TPPP: variants seen among roughly 807,000 people sequenced by gnomAD.
TPPP encodes tubulin polymerization promoting protein, also known as tubulin polymerization-promoting protein.
Under a neutral mutation model 15.5 loss-of-function variants are expected in TPPP, and 6 were observed. That is an observed-to-expected ratio of 0.39 (90% CI 0.21 to 0.77). The LOEUF (loss-of-function observed/expected upper bound fraction) is 0.77, where lower values mean the gene tolerates loss of function less well. Among genes scored for constraint, TPPP ranks in the 30% least tolerant of loss-of-function variants. The pLI is 0.42. For synonymous variants in TPPP, 146 were observed against 133.9 expected, an observed-to-expected ratio of 1.09 and a Z score of -0.63; for missense variants, 269 against 307.2, an observed-to-expected ratio of 0.88 and a Z score of 0.93.
chr5:677,722 C>A, intron 2 of TPPP, 28 bp downstream of exon 2: 1 of 1,523,256 alleles, frequency 6.6e-7, no homozygotes, highest in South Asian at 1.3e-5. Flanking sequence ...AAGTCAGGTC[C>A]CTCGGCCCGT....
chr5:683,645 T>A (rs1180608232), intron 1 of TPPP, among the ~76,000 whole-genome samples: 1 of 152,230 alleles, frequency 6.6e-6, no homozygotes, highest in African/African-American at 2.4e-5. Context: ...CACCAACCCC[T>A]TCCTTCCATG....
chr5:692,392 C>T (rs1413371256), intron 1 of TPPP, among the ~76,000 whole-genome samples: 1 of 118,142 alleles, frequency 8.5e-6, no homozygotes, highest in Non-Finnish European at 1.8e-5. Flanking sequence ...AAAACAGCAG[C>T]CCCCCAAACC....
At chr5:696,947 T>C (rs1458307777), upstream of TPPP, among the ~76,000 whole-genome samples, 3 of 149,784 alleles carry the variant, frequency 2.0e-5, no homozygotes, top group East Asian at 5.8e-4. Flanking sequence ...TTTGCACCTG[T>C]ATGTCCACGT....
Position 666,078 on chromosome 5 carries a change from C to T in TPPP, c.357G>A (p.Ala119=), listed in dbSNP as rs777737792. The T allele has an allele frequency of 1.3e-5, 21 of 1,612,202 alleles. No individual in the cohort carries two copies. The highest frequency in any genetic ancestry group is 1.2e-4 in the Admixed American group (7 of 59,982). Reference sequence around the variant, plus strand: ...ATCGCTTCTTGGCGAGCTCCTCCAGCGCCTCCTGGAACTGCTCAAAGGTGA... The same window carrying T: ...ATCGCTTCTTGGCGAGCTCCTCCAGTGCCTCCTGGAACTGCTCAAAGGTGA... ...RTITFEQFQE[A]LEELAKKRFK... is the part of the protein sequence containing the mutation. Residue 119 remains alanine, a synonymous_variant, in exon 3 of 4, where the codon GCG becomes GCA. Coordinates refer to ENST00000360578, the MANE Select transcript of TPPP (RefSeq NM_007030.3).
At chr5:675,617 G>A (rs898819318) in intron 2 of TPPP, among the ~76,000 whole-genome samples, 23 of 151,866 alleles carry the variant, frequency 1.5e-4, no homozygotes, top group Admixed American at 1.4e-3. Flanking sequence ...GTGTGGCCGG[G>A]AGTGCAGTGC....
intron 2 of TPPP, among the ~76,000 whole-genome samples, chr5:676,959 GTGC>G (rs1740465395): frequency 6.8e-6 from 1 of 146,640 alleles, no homozygotes; most frequent in Non-Finnish European, 1.5e-5. Context: ...ACGCGCACAC[GTGC>G]ACACAGAAAC....
At chr5:699,592 T>G in the TPPP span, among the ~76,000 whole-genome samples, 1 of 151,680 alleles carries the variant, frequency 6.6e-6, no homozygotes, top group Non-Finnish European at 1.5e-5. Context: ...TCAAGAGCAA[T>G]TGCAACAAAA....
chr5:666,312 A>G (rs1233424827), intron 2 of TPPP, among the ~76,000 whole-genome samples, 189 bp from the exon 3 acceptor site: 1 of 152,174 alleles, frequency 6.6e-6, no homozygotes, highest in African/African-American at 2.4e-5. Context: ...CAGGTCCTCT[A>G]TAAAGCTGGA....
At chr5:693,429 G>A (rs185363561), upstream of TPPP, 26,330 of 116,192 alleles carry the variant, frequency 0.23, 2,494 homozygotes, top group African/African-American at 0.34. Flanking sequence ...GCCCGCCCCC[G>A]GCCCCCAGCG....
At chr5:669,317 G>A (rs959096753) in intron 2 of TPPP, among the ~76,000 whole-genome samples, 13 of 151,400 alleles carry the variant, frequency 8.6e-5, no homozygotes, top group African/African-American at 2.2e-4. Flanking sequence ...GCTCTGTGGC[G>A]TGGGGGTCCG....
At chr5:683,150 G>C (rs548926650) in intron 1 of TPPP, among the ~76,000 whole-genome samples, 37 of 152,234 alleles carry the variant, frequency 2.4e-4, no homozygotes, top group East Asian at 3.9e-4. Flanking sequence ...GAGCTCGCTC[G>C]CAGGCAAGTG....
intron 2 of TPPP, among the ~76,000 whole-genome samples, chr5:669,120 GA>G (rs1425803348): frequency 6.6e-6 from 1 of 152,242 alleles, no homozygotes; most frequent in Non-Finnish European, 1.5e-5. Flanking sequence ...GGGTCCCAGG[GA>G]GGGGAGCGGA....
chr5:684,804 C>T (rs1173047297), intron 1 of TPPP, among the ~76,000 whole-genome samples: 4 of 152,174 alleles, frequency 2.6e-5, no homozygotes, highest in African/African-American at 9.7e-5. Flanking sequence ...CCCTGTGAAC[C>T]GCCCCACTCT....
In TPPP at chr5:680,702, C is replaced by T. The variant is rs561885008; in HGVS notation, c.-4-2638G>A. Among the ~76,000 whole-genome samples the T allele has an allele frequency of 1.0e-3, 154 of 151,634 alleles. 1 individual carries two copies. Among genetic ancestry groups the T allele is most frequent in the Middle Eastern group, 6.8e-3 (2 of 292 alleles). On this transcript the variant is annotated intron_variant, in intron 1 of 3. Transcript: ENST00000360578. Reference sequence around the variant, plus strand: ...AGCTGCCAGAAATGCTTCCAAAGCCCGCCTCTGCGTGGGGTGTGTGCTGAG... The same window carrying T: ...AGCTGCCAGAAATGCTTCCAAAGCCTGCCTCTGCGTGGGGTGTGTGCTGAG...
At chr5:685,900 T>C (rs1324830305) in intron 1 of TPPP, among the ~76,000 whole-genome samples, 2 of 152,068 alleles carry the variant, frequency 1.3e-5, no homozygotes, top group African/African-American at 4.8e-5. Flanking sequence ...GGTGGGAGGA[T>C]GGAACATTCC....
chr5:675,413 G>GCA (rs1740387618), intron 2 of TPPP, among the ~76,000 whole-genome samples: 1 of 117,292 alleles, frequency 8.5e-6, no homozygotes, highest in Non-Finnish European at 2.0e-5. Flanking sequence ...CAGGGGTGCA[G>GCA]TGTGGCCAGG....
At chr5:683,391 C>G (rs1740680972) in intron 1 of TPPP, among the ~76,000 whole-genome samples, 3 of 152,214 alleles carry the variant, frequency 2.0e-5, no homozygotes, top group Admixed American at 1.3e-4. Flanking sequence ...ACGCCACACA[C>G]TCAACCCAAA....
In TPPP at chr5:662,945, C is replaced by T; in HGVS notation, c.*2157G>A. 1 of 145,222 alleles carries T rather than the reference C, an allele frequency of 6.9e-6. No individual in the cohort carries two copies. The highest frequency in any genetic ancestry group is 2.8e-5 in the African/African-American group (1 of 35,526). 9.0% of individuals were successfully genotyped at this position (145,222 alleles called of 1,614,324 possible). The stretch of plus-strand genomic sequence containing the variant: ...ACCGCTCGTCTGTGATCGGGTGAGT[C>T]CGATGACTGCTCGTCTGTGATCGGG... On this transcript the variant is annotated 3_prime_UTR_variant, in exon 4 of 4. Coordinates refer to ENST00000360578, the MANE Select transcript of TPPP (RefSeq NM_007030.3).
In TPPP at chr5:661,301, C is replaced by T. The variant is rs1229659106; in HGVS notation, c.*3801G>A. Reference sequence around the variant, plus strand: ...GGTGTCACCCCCGACAGAACCTGTCCCTGTCTCCTCTTGTCACCCCCAACA... The same window carrying T: ...GGTGTCACCCCCGACAGAACCTGTCTCTGTCTCCTCTTGTCACCCCCAACA... On this transcript the variant is annotated 3_prime_UTR_variant, in exon 4 of 4. Coordinates refer to ENST00000360578, the MANE Select transcript of TPPP (RefSeq NM_007030.3). The T allele has an allele frequency of 6.6e-6, 1 of 152,624 alleles. No individual in the cohort carries two copies. Among genetic ancestry groups the T allele is most frequent in the African/African-American group, 2.5e-5 (1 of 40,784 alleles). 9.5% of individuals were successfully genotyped at this position (152,624 alleles called of 1,614,324 possible).
Sources: gnomAD v4.1 joint callset for allele counts (sites outside exome capture counted in the v4.1 genomes callset) on GRCh38, gnomAD v4.1.1 for gene constraint, MANE v1.5 for transcripts, NCBI Gene and HGNC (gene_info 2026-07-23, HGNC 2026-07-21) for gene names.